The following SNTG2 variants were observed in gnomAD, a reference collection of about 807,000 sequenced individuals.
The protein encoded by SNTG2 is gamma-2-syntrophin.
SNTG2 carries 74 observed loss-of-function variants against 70.9 expected under a neutral mutation model. The ratio of observed to expected loss-of-function variants is 1.04; its 90% CI spans 0.86 to 1.27. The LOEUF (loss-of-function observed/expected upper bound fraction) is 1.27. Among genes scored for constraint, SNTG2 ranks in the 50% most tolerant of loss-of-function variants. SNTG2 has a pLI of 0.00. For synonymous variants in SNTG2, 278 were observed against 273.8 expected, an observed-to-expected ratio of 1.02 and a Z score of -0.15; for missense variants, 717 against 690.7, an observed-to-expected ratio of 1.04 and a Z score of -0.43.
At chr2:1,059,383 A>G (rs895862084) in intron 1 of SNTG2, 2 of 151,888 alleles carry the variant, frequency 1.3e-5, no homozygotes, top group African/African-American at 2.4e-5. Context: ...AATAATAATA[A>G]TCAGTCAAGA....
intron 1 of SNTG2, among the ~76,000 whole-genome samples, chr2:1,078,819 G>A (rs1290300811): frequency 6.6e-6 from 1 of 152,142 alleles, no homozygotes; most frequent in Non-Finnish European, 1.5e-5. Context: ...AGACATTTCA[G>A]GGGATTTGCT....
intron 1 of SNTG2, among the ~76,000 whole-genome samples, chr2:971,776 C>G (rs1280516353): frequency 1.3e-5 from 2 of 148,832 alleles, no homozygotes; most frequent in Non-Finnish European, 3.0e-5. Flanking sequence ...TCTTTTTTAA[C>G]TTTTTGATAT....
chr2:962,847 T>C lies in SNTG2; in HGVS notation c.72+11779T>C, dbSNP rs1660397432. 2.0e-5 allele frequency among the ~76,000 whole-genome samples: 3 copies of C among 152,104 alleles called. No homozygotes were observed. The South Asian group carries it at 6.2e-4, about 32-fold the overall frequency. On this transcript the variant is annotated intron_variant, in intron 1 of 16. Transcript: ENST00000308624. Reference sequence around the variant, plus strand: ...AATTGAAAACAAAACAAAAAAACAGTTCATTAAAACAGAAGATAAGTGTCA... The same window carrying C: ...AATTGAAAACAAAACAAAAAAACAGCTCATTAAAACAGAAGATAAGTGTCA...
chr2:1,161,521 G>C (rs1036154873), intron 6 of SNTG2: 6 of 152,218 alleles, frequency 3.9e-5, no homozygotes, highest in African/African-American at 1.2e-4. Flanking sequence ...TCCCAGTGCC[G>C]TCAGGCTTAG....
At chr2:1,196,270 CA>C (rs1370413517) in intron 8 of SNTG2, among the ~76,000 whole-genome samples, 1 of 151,818 alleles carries the variant, frequency 6.6e-6, no homozygotes, top group Non-Finnish European at 1.5e-5. Context: ...GTAGATCAAG[CA>C]AAATAATGAA....
At chr2:1,351,800 A>G (rs866679885) in intron 16 of SNTG2, among the ~76,000 whole-genome samples, 1 of 151,938 alleles carries the variant, frequency 6.6e-6, no homozygotes, top group African/African-American at 2.4e-5. Context: ...AGGAACGCCA[A>G]CCCCCATGGT....
intron 1 of SNTG2, among the ~76,000 whole-genome samples, chr2:1,046,251 C>T (rs1041269461): frequency 2.0e-5 from 3 of 152,040 alleles, no homozygotes; most frequent in African/African-American, 4.8e-5. Context: ...AGCCTATGGA[C>T]GTCCTTGAAT....
intron 1 of SNTG2, among the ~76,000 whole-genome samples, chr2:1,008,568 C>T (rs944739353): frequency 4.6e-4 from 70 of 152,176 alleles, no homozygotes; most frequent in African/African-American, 1.7e-3. Context: ...AGACTAAATG[C>T]CTGCTTATCT....
intron 1 of SNTG2, among the ~76,000 whole-genome samples, chr2:1,036,671 A>T (rs1009850164): frequency 6.6e-6 from 1 of 152,206 alleles, no homozygotes; most frequent in African/African-American, 2.4e-5. Flanking sequence ...GTCATAAAGT[A>T]TCTTTAATAA....
At chr2:1,045,490 C>G (rs1288752521) in intron 1 of SNTG2, among the ~76,000 whole-genome samples, 1 of 151,866 alleles carries the variant, frequency 6.6e-6, no homozygotes, top group Non-Finnish European at 1.5e-5. Context: ...ACTGTGAGGT[C>G]TTTCTAACTT....
intron 7 of SNTG2, 82 bp from the exon 8 acceptor site, chr2:1,173,010 G>A: frequency 7.7e-7 from 1 of 1,296,150 alleles, no homozygotes; most frequent in Non-Finnish European, 1.1e-6. Context: ...CCCATGCACA[G>A]GTAGAACTGA....
In SNTG2 at chr2:1,308,526, G is replaced by A; in HGVS notation, c.1317G>A (p.Glu439=). The A allele has an allele frequency of 6.4e-7, 1 of 1,551,682 alleles. No homozygotes were observed. The highest frequency in any genetic ancestry group is 1.2e-5 in the South Asian group (1 of 84,046). ...CATACATGTGCAGCTGGCAAGGAGA[G>A]ATGCTGTGTTTCACGGTGGATTTCG... ...SRTYMCSWQG[E]MLCFTVDFAL... is the part of the protein sequence containing the mutation. Residue 439 remains glutamate (E), a synonymous_variant, in exon 15 of 17, where the codon GAG becomes GAA. Coordinates refer to ENST00000308624, the MANE Select transcript of SNTG2 (RefSeq NM_018968.4).
Position 1,088,440 on chromosome 2 carries a change from CAT to C in SNTG2, c.210+4786_210+4787del, listed in dbSNP as rs138428582. ...CTGGCACCCCTGGTCCTGCTCAGGG[CAT>C]GTGAGCTCTCATTAGTCCATTAGGG... On this transcript the variant is annotated intron_variant, in intron 2 of 16. Transcript: ENST00000308624. Among the ~76,000 whole-genome samples, 223 of 152,330 alleles carry C rather than the reference CAT, an allele frequency of 1.5e-3. 2 individuals are homozygous for C. The East Asian group carries it at 0.039, about 27-fold the overall frequency.
At chr2:1,249,878 C>T (rs1302903290) in intron 12 of SNTG2, among the ~76,000 whole-genome samples, 6 of 152,112 alleles carry the variant, frequency 3.9e-5, no homozygotes, top group African/African-American at 4.8e-5. Flanking sequence ...AGGTCGCTGC[C>T]ACTCACACTG....
chr2:1,174,711 TA>T (rs1270258468), intron 8 of SNTG2, among the ~76,000 whole-genome samples: 1 of 152,220 alleles, frequency 6.6e-6, no homozygotes, highest in Admixed American at 6.5e-5. Context: ...TTTGACTTAA[TA>T]TTTGAAGTAC....
chr2:1,255,482 C>T (rs961962738), intron 12 of SNTG2, among the ~76,000 whole-genome samples: 88 of 152,184 alleles, frequency 5.8e-4, no homozygotes, highest in Non-Finnish European at 4.9e-4. Context: ...CCCAGAGATG[C>T]CGAGGCTGTT....
chr2:950,887 G>A lies in SNTG2; in HGVS notation c.-110G>A, dbSNP rs550329115. ...GGTGGAGCCCGAGCCGGAGCCGGCA[G>A]AGGGGCGCGGGCGCGGACGCGGCGC... On this transcript the variant is annotated 5_prime_UTR_variant, in exon 1 of 17. Coordinates refer to ENST00000308624, the MANE Select transcript of SNTG2 (RefSeq NM_018968.4). The A allele has an allele frequency of 3.1e-5, 12 of 392,826 alleles. No homozygotes were observed. The highest frequency in any genetic ancestry group is 5.3e-5 in the Admixed American group (1 of 18,996). The allele number at this position is 392,826 out of a possible 1,614,324, so 24.3% of individuals were successfully genotyped here. A position where few individuals can be genotyped will look rare whatever the true frequency, so the allele number is the denominator to read the frequency against.
At chr2:1,170,468 C>G (rs1039576953) in intron 7 of SNTG2, among the ~76,000 whole-genome samples, 1 of 152,162 alleles carries the variant, frequency 6.6e-6, no homozygotes, top group African/African-American at 2.4e-5. Flanking sequence ...AAGGCCAGGC[C>G]CAGGCTCCCC....
intron 1 of SNTG2, among the ~76,000 whole-genome samples, chr2:1,065,858 T>A (rs568158727): frequency 9.2e-5 from 14 of 152,352 alleles, no homozygotes; most frequent in Non-Finnish European, 1.8e-4. Context: ...GATGTTTGGA[T>A]TTTGGTGAGA....
Sources: gnomAD v4.1 joint callset for allele counts (sites outside exome capture counted in the v4.1 genomes callset) on GRCh38, gnomAD v4.1.1 for gene constraint, MANE v1.5 for transcripts, NCBI Gene and HGNC (gene_info 2026-07-23, HGNC 2026-07-21) for gene names.